Variants in DNAH7 observed in about 807,000 individuals in gnomAD.
DNAH7 encodes dynein axonemal heavy chain 7.
In DNAH7, 397 loss-of-function variants were observed where a neutral mutation model predicts 444.6. The observed-to-expected ratio is 0.89, with a 90% CI of 0.82 to 0.97. The LOEUF (loss-of-function observed/expected upper bound fraction) is 0.97, where lower values mean the gene tolerates loss of function less well. DNAH7 is among the 50% of genes least tolerant of loss of function. The pLI, the probability that DNAH7 is intolerant of heterozygous loss-of-function variation, is 0.00. For synonymous variants in DNAH7, 1,636 were observed against 1,624.4 expected (o/e 1.01, Z -0.17); for missense variants, 4,902 against 4,800.8 (o/e 1.02, Z -0.62).
chr2:195,781,974 T>TACACACACAC (rs1357047428), intron 58 of DNAH7, among the ~76,000 whole-genome samples: 24 of 44,380 alleles, frequency 5.4e-4, no homozygotes, highest in Non-Finnish European at 9.4e-4. Context: ...AGGTGGGTCT[T>TACACACACAC]ATACACACAC....
chr2:195,841,406 G>C (rs1698676892), intron 47 of DNAH7, among the ~76,000 whole-genome samples: 1 of 151,728 alleles, frequency 6.6e-6, no homozygotes, highest in Non-Finnish European at 1.5e-5. Context: ...TTTATCCAAA[G>C]ACAGGATGTT....
chr2:195,911,686 G>A (rs1319327419), intron 24 of DNAH7, among the ~76,000 whole-genome samples: 1 of 152,124 alleles, frequency 6.6e-6, no homozygotes, highest in Admixed American at 6.6e-5. Flanking sequence ...GGAGAATAAC[G>A]AGTTTTAAGG....
At chr2:196,068,570 T>C in intron 1 of DNAH7, 127 bp downstream of exon 1, 2 of 1,248,626 alleles carry the variant, frequency 1.6e-6, no homozygotes, top group Non-Finnish European at 1.1e-6. Context: ...ACAAGTGGGG[T>C]GAAGGAAGCT....
Position 195,835,636 on chromosome 2 carries a change from G to C in DNAH7, c.8946-1276C>G, listed in dbSNP as rs565604331. ...CGAGGTAGGCGGATCATGGGGTCAG[G>C]AGATCGAGACCATCCTGGCCAACAT... On this transcript the variant is annotated intron_variant, in intron 47 of 64. Coordinates refer to ENST00000312428, the MANE Select transcript of DNAH7 (RefSeq NM_018897.3). 1.1e-3 allele frequency among the ~76,000 whole-genome samples: 165 copies of C among 152,170 alleles called. 2 individuals carry two copies. The highest frequency in any genetic ancestry group is 3.8e-3 in the African/African-American group (157 of 41,522).
chr2:195,874,600 T>C (rs866557760), intron 38 of DNAH7, among the ~76,000 whole-genome samples: 1 of 140,796 alleles, frequency 7.1e-6, no homozygotes, highest in East Asian at 2.0e-4. Context: ...GTCTTTTATT[T>C]AAAAAAAAAA....
At chr2:195,833,749 A>C (rs777734177) in intron 48 of DNAH7, among the ~76,000 whole-genome samples, 8 of 151,966 alleles carry the variant, frequency 5.3e-5, no homozygotes, top group Non-Finnish European at 8.8e-5. Flanking sequence ...CCTCTCTGCC[A>C]CTTCTTTTTA....
intron 51 of DNAH7, among the ~76,000 whole-genome samples, chr2:195,815,982 C>A (rs1813107): frequency 2.6e-4 from 39 of 152,218 alleles, no homozygotes; most frequent in Admixed American, 5.2e-4. Flanking sequence ...ACAGAGTGAG[C>A]CTCCGTCTCA....
At chr2:195,983,624 G>T (rs181593049) in intron 15 of DNAH7, among the ~76,000 whole-genome samples, 183 of 152,142 alleles carry the variant, frequency 1.2e-3, no homozygotes, top group Non-Finnish European at 2.2e-3. Context: ...CCAACACTGG[G>T]GATCATGTTT....
chr2:195,796,971 G>T (rs1341961864), intron 55 of DNAH7, among the ~76,000 whole-genome samples: 1 of 152,136 alleles, frequency 6.6e-6, no homozygotes, highest in African/African-American at 2.4e-5. Context: ...GGAAAATTCT[G>T]TAGAGTCTTT....
At chr2:195,937,118 T>C (rs1405607578) in intron 19 of DNAH7, among the ~76,000 whole-genome samples, 1 of 152,174 alleles carries the variant, frequency 6.6e-6, no homozygotes. Context: ...GTATGAGATA[T>C]TTTCTTTTGT....
chr2:195,749,507 ATGC>A (rs1693647507), intron 63 of DNAH7, among the ~76,000 whole-genome samples: 2 of 152,204 alleles, frequency 1.3e-5, no homozygotes, highest in Non-Finnish European at 2.9e-5. Flanking sequence ...ACTATAAATC[ATGC>A]TGCTATTAAG....
chr2:195,862,590 A>G (rs562084272), intron 41 of DNAH7, among the ~76,000 whole-genome samples: 1 of 152,220 alleles, frequency 6.6e-6, no homozygotes, highest in South Asian at 2.1e-4. Flanking sequence ...GAACTGTTAT[A>G]CCACTTCCCC....
intron 2 of DNAH7, among the ~76,000 whole-genome samples, chr2:196,057,823 C>A (rs1575119040): frequency 6.6e-6 from 1 of 152,200 alleles, no homozygotes; most frequent in Non-Finnish European, 1.5e-5. Flanking sequence ...TAAAATCTAA[C>A]CTGGACCCAA....
chr2:195,948,781 T>C (rs971369642), intron 19 of DNAH7, among the ~76,000 whole-genome samples: 130 of 152,344 alleles, frequency 8.5e-4, no homozygotes, highest in African/African-American at 3.1e-3. Context: ...AAGGGCTCTT[T>C]TTTGGTTCCA....
intron 19 of DNAH7, among the ~76,000 whole-genome samples, chr2:195,953,760 C>T (rs960768139): frequency 2.0e-5 from 3 of 152,210 alleles, no homozygotes; most frequent in African/African-American, 7.2e-5. Flanking sequence ...ATATTAACAA[C>T]AGTATTTACA....
chr2:195,973,900 C>T (rs1519598), intron 15 of DNAH7, among the ~76,000 whole-genome samples: 13,860 of 152,058 alleles, frequency 0.091, 693 homozygotes, highest in African/African-American at 0.13. Flanking sequence ...CATGGTGAAA[C>T]CCCGTCTCTA....
At chr2:196,047,086 G>A (rs1697179665) in intron 5 of DNAH7, among the ~76,000 whole-genome samples, 1 of 152,064 alleles carries the variant, frequency 6.6e-6, no homozygotes. Context: ...TCCTCCACTG[G>A]CTACCATGGC....
At chr2:196,002,921 T>C (rs1028350638) in intron 10 of DNAH7, among the ~76,000 whole-genome samples, 1 of 151,914 alleles carries the variant, frequency 6.6e-6, no homozygotes, top group African/African-American at 2.4e-5. Flanking sequence ...GGAAAGAGAA[T>C]TGCTTGAACC....
chr2:195,812,899 G>T (rs1196961204), intron 51 of DNAH7, among the ~76,000 whole-genome samples: 1 of 152,098 alleles, frequency 6.6e-6, no homozygotes, highest in East Asian at 1.9e-4. Context: ...TTTAATTTCT[G>T]ATTTGGGAGC....
Sources: allele counts gnomAD v4.1 joint callset (sites outside exome capture counted in the v4.1 genomes callset), GRCh38; gene constraint gnomAD v4.1.1; transcripts MANE v1.5; gene names NCBI Gene and HGNC (gene_info 2026-07-23, HGNC 2026-07-21).